The following SOX5 variants were observed in gnomAD, a reference collection of about 807,000 sequenced individuals.
SOX5 encodes SRY-box transcription factor 5.
In SOX5, 9 loss-of-function variants were observed where a neutral mutation model predicts 92.0. The observed-to-expected ratio is 0.10, with a 90% confidence interval of 0.06 to 0.17. The LOEUF (loss-of-function observed/expected upper bound fraction) is 0.17. Among genes scored for constraint, SOX5 ranks in the 10% least tolerant of loss-of-function variants. The pLI, the probability that SOX5 is intolerant of heterozygous loss-of-function variation, is 1.00. For missense variants in SOX5, 642 were observed against 944.5 expected (o/e 0.68, Z 4.20); for synonymous variants, 344 against 336.3 (o/e 1.02, Z -0.25).
At chr12:24,067,960 C>T (rs1017690745) in intron 4 of SOX5, among the ~76,000 whole-genome samples, 1 of 152,112 alleles carries the variant, frequency 6.6e-6, no homozygotes, top group Non-Finnish European at 1.5e-5. Flanking sequence ...GCCTGGACAA[C>T]ACGGTGAAAC....
intron 3 of SOX5, among the ~76,000 whole-genome samples, chr12:23,833,085 GT>G (rs1443813365): frequency 1.3e-5 from 2 of 151,920 alleles, no homozygotes; most frequent in Non-Finnish European, 2.9e-5. Flanking sequence ...CCCCAAAAAT[GT>G]ACAAATACAT....
In SOX5 at chr12:23,543,466, TAA is replaced by T; in HGVS notation, c.1598-84_1598-83del. 4 of 1,055,910 alleles carry T rather than the reference TAA, an allele frequency of 3.8e-6. No individual in the cohort carries two copies. The South Asian group carries it at 4.8e-5, about 13-fold the overall frequency. The allele number at this position is 1,055,910 out of a possible 1,614,324, so 65.4% of individuals were successfully genotyped here. On this transcript the variant is annotated intron_variant, in intron 12 of 14. Transcript: ENST00000451604. ...CTTGCATTCCTATTTTTCAGTCTATTAAGATATCTGAAAAGAAAAAGTACTTC... is the reference window on the plus strand; with the variant it reads ...CTTGCATTCCTATTTTTCAGTCTATTGATATCTGAAAAGAAAAAGTACTTC...
At chr12:23,944,375 C>T (rs932764141) in intron 1 of SOX5, 1 of 152,054 alleles carries the variant, frequency 6.6e-6, no homozygotes, top group Non-Finnish European at 1.5e-5. Context: ...CAACACCCCC[C>T]TATTGGACAA....
intron 4 of SOX5, among the ~76,000 whole-genome samples, chr12:24,045,344 G>C (rs192207545): frequency 3.3e-5 from 5 of 152,124 alleles, no homozygotes; most frequent in African/African-American, 4.8e-5. Context: ...TACGTATTAG[G>C]TACTCTATTG....
At chr12:24,503,401 C>T (rs1490737951) in intron 1 of SOX5, among the ~76,000 whole-genome samples, 1 of 152,040 alleles carries the variant, frequency 6.6e-6, no homozygotes, top group African/African-American at 2.4e-5. Flanking sequence ...GATTTGTTTA[C>T]AAAGCATAGC....
intron 1 of SOX5, among the ~76,000 whole-genome samples, chr12:24,455,095 C>G (rs758418225): frequency 1.1e-4 from 17 of 152,160 alleles, no homozygotes; most frequent in Non-Finnish European, 1.5e-4. Context: ...ATCAAGTTAG[C>G]TTTATCTTCT....
Position 24,486,442 on chromosome 12 carries a change from C to T in SOX5, c.-251+75887G>A, listed in dbSNP as rs143960664. ...AATCTGAAGCAGTTACAATGGGAGA[C>T]TCTTCCTTTGACTGAGCCCACTATA... On this transcript the variant is annotated intron_variant, in intron 1 of 4. Transcript: ENST00000446891. Among the ~76,000 whole-genome samples, 150 of 152,296 alleles carry T rather than the reference C, an allele frequency of 9.8e-4. 1 individual carries two copies. In the Middle Eastern group the frequency reaches 0.014, roughly 14 times the overall value.
At chr12:24,452,718 A>G (rs76699073) in intron 1 of SOX5, among the ~76,000 whole-genome samples, 3 of 152,162 alleles carry the variant, frequency 2.0e-5, no homozygotes, top group African/African-American at 4.8e-5. Context: ...AGAAAGGAAA[A>G]GAAGAATCCA....
intron 4 of SOX5, among the ~76,000 whole-genome samples, chr12:24,169,322 G>A (rs1026996587): frequency 4.6e-5 from 7 of 151,958 alleles, no homozygotes; most frequent in Admixed American, 6.6e-5. Flanking sequence ...TAAAGTCTTC[G>A]GGAAAAGAAA....
chr12:24,365,174 GTCTT>G (rs1208927969), intron 2 of SOX5, among the ~76,000 whole-genome samples: 1 of 152,008 alleles, frequency 6.6e-6, no homozygotes, highest in Non-Finnish European at 1.5e-5. Context: ...ACACTGTAAC[GTCTT>G]TATTTAACAT....
At chr12:24,267,813 G>A (rs1307028520) in intron 3 of SOX5, among the ~76,000 whole-genome samples, 1 of 152,106 alleles carries the variant, frequency 6.6e-6, no homozygotes. Flanking sequence ...ACAGAATGAT[G>A]CTTATGCAAT....
chr12:24,404,083 A>G, intron 1 of SOX5, among the ~76,000 whole-genome samples: 1 of 152,194 alleles, frequency 6.6e-6, no homozygotes, highest in East Asian at 1.9e-4. Context: ...TATAATCCCC[A>G]TTGAAGCTGA....
At chr12:23,807,471 A>C (rs2095800321) in intron 3 of SOX5, among the ~76,000 whole-genome samples, 1 of 152,128 alleles carries the variant, frequency 6.6e-6, no homozygotes, top group Non-Finnish European at 1.5e-5. Flanking sequence ...ACAGAGGCAG[A>C]GATTAGACTG....
At chr12:23,595,177 G>A (rs1952169920) in intron 9 of SOX5, among the ~76,000 whole-genome samples, 1 of 152,090 alleles carries the variant, frequency 6.6e-6, no homozygotes, top group African/African-American at 2.4e-5. Context: ...TCAGTGAATG[G>A]TAGATGTAAA....
intron 3 of SOX5, among the ~76,000 whole-genome samples, chr12:24,224,470 C>T (rs11047320): frequency 0.092 from 13,932 of 151,158 alleles, 1,474 homozygotes; most frequent in African/African-American, 0.26. Flanking sequence ...TTTAAAAGTT[C>T]AAATGATAGA....
At chr12:24,015,528 A>T (rs1245428113) in intron 4 of SOX5, among the ~76,000 whole-genome samples, 1 of 152,132 alleles carries the variant, frequency 6.6e-6, no homozygotes, top group Admixed American at 6.5e-5. Context: ...CCCCCAATCA[A>T]CAGCTTATTG....
intron 1 of SOX5, among the ~76,000 whole-genome samples, chr12:24,406,592 C>T (rs569906546): frequency 6.6e-6 from 1 of 152,270 alleles, no homozygotes; most frequent in East Asian, 1.9e-4. Flanking sequence ...AGTAGTCCAA[C>T]TCAAAACTGG....
intron 4 of SOX5, among the ~76,000 whole-genome samples, chr12:23,978,397 G>A (rs1014903983): frequency 6.6e-6 from 1 of 152,214 alleles, no homozygotes; most frequent in East Asian, 1.9e-4. Context: ...ATAAAACTTT[G>A]GGGTTAATAA....
intron 4 of SOX5, among the ~76,000 whole-genome samples, chr12:24,079,929 C>A (rs544926397): frequency 4.6e-5 from 7 of 151,804 alleles, no homozygotes; most frequent in Non-Finnish European, 8.8e-5. Flanking sequence ...TTTAAGATAG[C>A]GTAATTATTC....
Sources: allele counts gnomAD v4.1 joint callset (sites outside exome capture counted in the v4.1 genomes callset), GRCh38; gene constraint gnomAD v4.1.1; transcripts MANE v1.5; gene names NCBI Gene and HGNC (gene_info 2026-07-23, HGNC 2026-07-21).